Variants in LYPD8 observed in about 807,000 individuals in gnomAD.
LYPD8 encodes ly6/PLAUR domain-containing protein 8.
LYPD8 carries 8 observed loss-of-function variants against 1.7 expected under a neutral mutation model. The ratio of observed to expected loss-of-function variants is 4.58; its 90% CI spans 2.69 to 8.27. The LOEUF (loss-of-function observed/expected upper bound fraction) is 8.27, where lower values mean the gene tolerates loss of function less well. Ranked by LOEUF, LYPD8 falls within the 30% of genes most tolerant of loss-of-function variation. LYPD8 has a pLI of 0.00. For missense variants in LYPD8, 112 were observed against 102.3 expected (o/e 1.09, Z -0.41); for synonymous variants, 50 against 43.6 (o/e 1.15, Z -0.58).
chr1:248,753,402 C>A (rs1487538649), intron 2 of LYPD8, among the ~76,000 whole-genome samples: 1 of 109,098 alleles, frequency 9.2e-6, no homozygotes, highest in African/African-American at 3.5e-5. Flanking sequence ...ACATACACAT[C>A]ACACACACAC....
chr1:248,740,278 G>C (rs1662565872), intron 6 of LYPD8, among the ~76,000 whole-genome samples: 1 of 152,192 alleles, frequency 6.6e-6, no homozygotes, highest in Non-Finnish European at 1.5e-5. Flanking sequence ...CCCCTTCCAG[G>C]CTTTGCTTTC....
chr1:248,748,961 T>C (rs1396347766), intron 4 of LYPD8, among the ~76,000 whole-genome samples: 1 of 152,240 alleles, frequency 6.6e-6, no homozygotes, highest in Non-Finnish European at 1.5e-5. Context: ...TCAGCCATAG[T>C]AGCCATATAT....
intron 4 of LYPD8, among the ~76,000 whole-genome samples, chr1:248,749,233 C>T (rs1259332919): frequency 6.6e-6 from 1 of 152,160 alleles, no homozygotes; most frequent in Non-Finnish European, 1.5e-5. Context: ...ACAAGTTAGG[C>T]TTAACAGACC....
intron 6 of LYPD8, among the ~76,000 whole-genome samples, chr1:248,743,988 G>T (rs75659616): frequency 5.3e-5 from 8 of 152,188 alleles, no homozygotes; most frequent in African/African-American, 1.9e-4. Flanking sequence ...AACTAGTTAA[G>T]GTTTCTAAAT....
intron 2 of LYPD8, among the ~76,000 whole-genome samples, chr1:248,751,763 G>A (rs1243905303): frequency 6.6e-5 from 10 of 152,092 alleles, no homozygotes; most frequent in African/African-American, 2.4e-4. Flanking sequence ...AGTTTCGTCT[G>A]TGTCCCCAAC....
At chr1:248,752,071 A>G (rs1311672536) in intron 2 of LYPD8, among the ~76,000 whole-genome samples, 1 of 151,954 alleles carries the variant, frequency 6.6e-6, no homozygotes, top group African/African-American at 2.4e-5. Context: ...TATCTCATTT[A>G]CCCTATACAC....
chr1:248,753,525 C>A (rs1485125213), intron 2 of LYPD8, among the ~76,000 whole-genome samples: 37 of 119,302 alleles, frequency 3.1e-4, no homozygotes, highest in East Asian at 6.9e-4. Flanking sequence ...ATCACACACC[C>A]CACACAACAC....
chr1:248,744,020 G>A (rs945144391), intron 6 of LYPD8, among the ~76,000 whole-genome samples: 1 of 152,212 alleles, frequency 6.6e-6, no homozygotes, highest in Admixed American at 6.5e-5. Context: ...TAATTTCTAA[G>A]ACAGTGTATA....
At chr1:248,752,469 C>A (rs1395207274) in intron 2 of LYPD8, among the ~76,000 whole-genome samples, 1 of 151,182 alleles carries the variant, frequency 6.6e-6, no homozygotes, top group Non-Finnish European at 1.5e-5. Flanking sequence ...CCCCTACTCC[C>A]ACCTCACCAC....
intron 6 of LYPD8, among the ~76,000 whole-genome samples, chr1:248,740,347 G>A (rs184227152): frequency 7.7e-4 from 117 of 152,326 alleles, no homozygotes; most frequent in Non-Finnish European, 1.5e-3. Context: ...TGAGAAGAAG[G>A]AAGGGCCACC....
chr1:248,751,788 C>A (rs947547066), intron 2 of LYPD8, among the ~76,000 whole-genome samples: 5 of 152,164 alleles, frequency 3.3e-5, no homozygotes, highest in African/African-American at 1.2e-4. Flanking sequence ...AGCCCACACT[C>A]CCTTCCACTA....
intron 2 of LYPD8, among the ~76,000 whole-genome samples, chr1:248,751,678 G>C (rs1662804851): frequency 6.6e-6 from 1 of 152,148 alleles, no homozygotes; most frequent in Non-Finnish European, 1.5e-5. Context: ...AGCATCCTAA[G>C]AAAAATCAAG....
chr1:248,743,301 C>T (rs1553283724), intron 6 of LYPD8, among the ~76,000 whole-genome samples: 4 of 152,066 alleles, frequency 2.6e-5, no homozygotes, highest in Admixed American at 2.0e-4. Flanking sequence ...CCCATCTGTA[C>T]TACAAATACA....
Position 248,750,547 on chromosome 1 carries a change from C to G in LYPD8, c.149G>C (p.Ser50Thr), listed in dbSNP as rs1662783595. 1.0e-5 allele frequency: 4 copies of G among 398,664 alleles called. No homozygotes were observed. In the Admixed American group the frequency reaches 1.3e-4, roughly 13 times the overall value. 24.7% of individuals were successfully genotyped at this position (398,664 alleles called of 1,614,324 possible). The change falls in exon 4 of 7, where the codon AGC becomes ACC. Residue 50 changes from serine to threonine, a missense_variant. Coordinates refer to ENST00000590317, the MANE Select transcript of LYPD8 (RefSeq NM_001085474.2). ...ACCTAGAGAGGAGCTGGCTGAGGAGCTGATACAGCTGGTGTTGGCATGTGA... is the reference window on the plus strand; with the variant it reads ...ACCTAGAGAGGAGCTGGCTGAGGAGGTGATACAGCTGGTGTTGGCATGTGA... ...CPSHANTSCI[S>T]SSASSSLETP...
Position 248,755,734 on chromosome 1 carries a change from C to G in LYPD8, c.-227G>C, listed in dbSNP as rs1186749207. 6.6e-6 allele frequency: 1 copy of G among 152,314 alleles called. No homozygotes were observed. The highest frequency in any genetic ancestry group is 1.9e-4 in the East Asian group (1 of 5,204). 9.4% of individuals were successfully genotyped at this position (152,314 alleles called of 1,614,324 possible). A position where few individuals can be genotyped will look rare whatever the true frequency, so the allele number is the denominator to read the frequency against. On this transcript the variant is annotated 5_prime_UTR_variant, in exon 1 of 7. Coordinates refer to ENST00000590317, the MANE Select transcript of LYPD8 (RefSeq NM_001085474.2). ...TGGATCTGGCCTGGTGACTGTCCTA[C>G]AGAAGGTGGTTCCCAGTAGAGGCTT...
chr1:248,750,952 G>C (rs1294717241), intron 3 of LYPD8, 78 bp downstream of exon 3: 1 of 398,502 alleles, frequency 2.5e-6, no homozygotes. Flanking sequence ...GGCCCTCGGG[G>C]ATTTGAGAGC....
chr1:248,750,012 T>C (rs1662771679), intron 4 of LYPD8, among the ~76,000 whole-genome samples: 1 of 152,172 alleles, frequency 6.6e-6, no homozygotes. Context: ...ATACTCTTTT[T>C]CCTACTTTAA....
chr1:248,742,288 G>A (rs1662619259), intron 6 of LYPD8, among the ~76,000 whole-genome samples: 1 of 114,094 alleles, frequency 8.8e-6, no homozygotes, highest in Non-Finnish European at 1.8e-5. Flanking sequence ...GGCAGCGGGG[G>A]AGATTATGCT....
intron 6 of LYPD8, among the ~76,000 whole-genome samples, chr1:248,741,893 G>A (rs1474904561): frequency 1.3e-5 from 2 of 152,222 alleles, no homozygotes; most frequent in African/African-American, 4.8e-5. Context: ...GGATAGTGTG[G>A]AAAAGGCAAA....
Sources: gnomAD v4.1 joint callset for allele counts (sites outside exome capture counted in the v4.1 genomes callset) on GRCh38, gnomAD v4.1.1 for gene constraint, MANE v1.5 for transcripts, NCBI Gene and HGNC (gene_info 2026-07-23, HGNC 2026-07-21) for gene names.